The following LPP variants were observed in gnomAD, a reference collection of about 807,000 sequenced individuals.
LPP encodes the protein LIM domain containing preferred translocation partner in lipoma.
A neutral mutation model predicts 60.4 loss-of-function variants in LPP; 38 were observed. The observed-to-expected ratio is 0.63, with a 90% confidence interval of 0.49 to 0.83. LPP has a LOEUF of 0.83. Among genes scored for constraint, LPP ranks in the 40% least tolerant of loss-of-function variants. LPP has a pLI of 0.00. For missense variants in LPP, 902 were observed against 783.6 expected, an observed-to-expected ratio of 1.15 and a Z score of -1.80; for synonymous variants, 328 against 290.8, an observed-to-expected ratio of 1.13 and a Z score of -1.30.
At chr3:188,343,615 C>T (rs1407525287) in intron 3 of LPP, among the ~76,000 whole-genome samples, 1 of 152,206 alleles carries the variant, frequency 6.6e-6, no homozygotes, top group Non-Finnish European at 1.5e-5. Context: ...CCTGTCCCCA[C>T]AGAAACCCAT....
At chr3:188,613,903 T>TTTTATTTATTTATTTATTTA (rs55728018) in intron 7 of LPP, among the ~76,000 whole-genome samples, 3 of 142,584 alleles carry the variant, frequency 2.1e-5, no homozygotes, top group Non-Finnish European at 4.6e-5. Context: ...TTTAAATTAA[T>TTTTATTTATTTATTTATTTA]TTTATTTATT....
intron 2 of LPP, among the ~76,000 whole-genome samples, chr3:188,226,481 G>T (rs905436209): frequency 1.3e-5 from 2 of 152,120 alleles, no homozygotes; most frequent in African/African-American, 4.8e-5. Context: ...ACTTTCCCTT[G>T]TGTTTTGGTG....
chr3:188,212,378 A>G (rs576425918), intron 1 of LPP, among the ~76,000 whole-genome samples: 2 of 152,238 alleles, frequency 1.3e-5, no homozygotes, highest in African/African-American at 4.8e-5. Flanking sequence ...TTTTCCTGGA[A>G]TAGGACAGTG....
Position 188,216,997 on chromosome 3 carries a change from TG to T in LPP, c.-189-8405del, listed in dbSNP as rs1488138208. Among the ~76,000 whole-genome samples the T allele has an allele frequency of 2.6e-5, 4 of 152,258 alleles. No individual in the cohort carries two copies. The East Asian group carries it at 7.7e-4, about 29-fold the overall frequency. ...TCCACTTAGGTGCCTTGCACTGTTC[TG>T]GGCATTATCCCAGTACTCGATTTAG... On this transcript the variant is annotated intron_variant, in intron 1 of 11. Coordinates refer to ENST00000617246, the MANE Select transcript of LPP (RefSeq NM_001375462.1).
intron 2 of LPP, among the ~76,000 whole-genome samples, chr3:188,309,028 T>C (rs1331909013): frequency 5.0e-5 from 4 of 80,362 alleles, no homozygotes; most frequent in Admixed American, 1.7e-4. Context: ...TCTTCTTTTT[T>C]TTTTTTTTTT....
At chr3:188,510,601 C>T (rs1815161595) in intron 5 of LPP, among the ~76,000 whole-genome samples, 1 of 152,184 alleles carries the variant, frequency 6.6e-6, no homozygotes, top group South Asian at 2.1e-4. Flanking sequence ...ATGTGTTTAT[C>T]CTTTAGATAT....
chr3:188,546,084 T>C (rs1826580572), intron 6 of LPP, among the ~76,000 whole-genome samples: 1 of 152,204 alleles, frequency 6.6e-6, no homozygotes, highest in Non-Finnish European at 1.5e-5. Context: ...GTATTAAAGT[T>C]GACTTAATTC....
intron 5 of LPP, among the ~76,000 whole-genome samples, chr3:188,495,084 T>TATATATATATATATATATATATATA (rs61034825): frequency 2.6e-4 from 4 of 15,490 alleles, no homozygotes; most frequent in Non-Finnish European, 6.5e-4. Context: ...ATATATATAT[T>TATATATATATATATATATATATATA]TTATTTATAT....
At chr3:188,804,190 T>A (rs1326086848) in intron 9 of LPP, among the ~76,000 whole-genome samples, 3 of 138,638 alleles carry the variant, frequency 2.2e-5, no homozygotes, top group Non-Finnish European at 4.6e-5. Context: ...AGCTTTTTTT[T>A]TATTCGGGGG....
intron 9 of LPP, among the ~76,000 whole-genome samples, chr3:188,855,962 G>A (rs984654515): frequency 3.3e-5 from 5 of 152,128 alleles, no homozygotes; most frequent in African/African-American, 9.7e-5. Context: ...TAGTGCTGGG[G>A]TTGGTTAGCA....
intron 8 of LPP, among the ~76,000 whole-genome samples, chr3:188,754,303 T>A (rs1729421994): frequency 6.6e-6 from 1 of 152,210 alleles, no homozygotes; most frequent in African/African-American, 2.4e-5. Flanking sequence ...ATATTTTCAA[T>A]GGATGGAAAG....
At position 188,572,176 on chromosome 3, in the gene LPP, C is replaced by A. The variant is rs1833682525; in HGVS notation, c.430-36985C>A. ...ATTTTTGGAATGCTTTCATTTGTTG[C>A]ACTTATATTTTGCTTTTTATGTATG... On this transcript the variant is annotated intron_variant, in intron 6 of 11. Coordinates refer to ENST00000617246, the MANE Select transcript of LPP (RefSeq NM_001375462.1). The surrounding 1 kb of genome is among the most constrained non-coding windows in gnomAD (Gnocchi z 4.1). Among the ~76,000 whole-genome samples, 1 of 151,922 alleles carries A rather than the reference C, an allele frequency of 6.6e-6. No individual in the cohort carries two copies. Among genetic ancestry groups the A allele is most frequent in the African/African-American group, 2.4e-5 (1 of 41,370 alleles).
chr3:188,724,705 A>T (rs1717717101), intron 8 of LPP, among the ~76,000 whole-genome samples: 1 of 152,166 alleles, frequency 6.6e-6, no homozygotes, highest in African/African-American at 2.4e-5. Flanking sequence ...TTGTAGCAAT[A>T]TTTATGTCCA....
intron 9 of LPP, among the ~76,000 whole-genome samples, chr3:188,855,621 A>G (rs1763657611): frequency 6.6e-6 from 1 of 152,180 alleles, no homozygotes; most frequent in South Asian, 2.1e-4. Flanking sequence ...TTTACTTACT[A>G]AAATATTTAC....
chr3:188,623,308 G>A (rs1217632556), intron 7 of LPP, among the ~76,000 whole-genome samples: 3 of 149,066 alleles, frequency 2.0e-5, no homozygotes, highest in Non-Finnish European at 4.4e-5. Context: ...CCCAGGCTAG[G>A]GTGCAGTGGC....
rs1515429 is a variant in LPP at position 188,701,750 on chromosome 3, C to T, written c.1114-6517C>T. Among the ~76,000 whole-genome samples the T allele has an allele frequency of 5.1e-4, 76 of 148,420 alleles. No homozygotes were observed. In the South Asian group the frequency reaches 0.015, roughly 29 times the overall value. On this transcript the variant is annotated intron_variant, in intron 7 of 11. Coordinates refer to ENST00000617246, the MANE Select transcript of LPP (RefSeq NM_001375462.1). ...CTCAGAATGCCACGATATCTGGCTG[C>T]GTTTTTTTTTTTTGAAAGTGTCAGT...
At chr3:188,626,718 T>G (rs915959900) in intron 7 of LPP, among the ~76,000 whole-genome samples, 1 of 152,188 alleles carries the variant, frequency 6.6e-6, no homozygotes, top group African/African-American at 2.4e-5. Context: ...GCTCTCATTT[T>G]AACTTAATGG....
intron 4 of LPP, among the ~76,000 whole-genome samples, chr3:188,440,949 A>ATATGTG (rs139607028): frequency 6.8e-6 from 1 of 146,842 alleles, no homozygotes; most frequent in Non-Finnish European, 1.5e-5. Flanking sequence ...CTCCCTTAAT[A>ATATGTG]TGTGTGTGTG....
At chr3:188,822,366 T>G (rs576167222) in intron 9 of LPP, among the ~76,000 whole-genome samples, 1 of 152,152 alleles carries the variant, frequency 6.6e-6, no homozygotes, top group Non-Finnish European at 1.5e-5. Flanking sequence ...GAGACAAACT[T>G]AAGAAGAAAT....
Sources: allele counts gnomAD v4.1 joint callset (sites outside exome capture counted in the v4.1 genomes callset), GRCh38; gene constraint gnomAD v4.1.1; non-coding constraint Gnocchi (gnomAD v3.1); transcripts MANE v1.5; gene names NCBI Gene and HGNC (gene_info 2026-07-23, HGNC 2026-07-21).